The following PADI1 variants were observed in gnomAD, a reference collection of about 807,000 sequenced individuals.
PADI1 encodes peptidyl arginine deiminase 1, also known as protein-arginine deiminase type-1.
A neutral mutation model predicts 74.8 loss-of-function variants in PADI1; 65 were observed. That is an observed-to-expected ratio of 0.87 (90% CI 0.71 to 1.07). The LOEUF is 1.07. Ranked by LOEUF, PADI1 falls within the 50% of genes least tolerant of loss-of-function variation. The probability of loss-of-function intolerance (pLI) is 0.00; values close to 1 mark genes in which losing one functional copy is unlikely to be tolerated. For synonymous variants in PADI1, 371 were observed against 336.2 expected, an observed-to-expected ratio of 1.10 and a Z score of -1.13; for missense variants, 943 against 854.0, an observed-to-expected ratio of 1.10 and a Z score of -1.30.
chr1:17,211,219 T>TTTTTG (rs1460324469), intron 1 of PADI1, among the ~76,000 whole-genome samples: 1 of 145,782 alleles, frequency 6.9e-6, no homozygotes, highest in Non-Finnish European at 1.5e-5. Context: ...TTTGTTTTTG[T>TTTTTG]TTTTTTTTGA....
At chr1:17,214,108 G>A (rs752858141) in intron 1 of PADI1, among the ~76,000 whole-genome samples, 2 of 152,226 alleles carry the variant, frequency 1.3e-5, no homozygotes, top group Non-Finnish European at 2.9e-5. Flanking sequence ...ATTCTGAGAA[G>A]AGTAATTGTA....
At position 17,228,778 on chromosome 1, in the gene PADI1, T is replaced by C. The variant is rs940308142; in HGVS notation, c.806T>C (p.Val269Ala). ...TTCCTAGGGCTGGTTTCCCTCAGTG[T>C]CAGCCTGGTGGACCCGGGGGTGTGT... ...ADFLGLVSLS[V>A]SLVDPGTLPE... The change falls in exon 7 of 16, where the codon GTC becomes GCC. Residue 269 changes from valine (V) to alanine (A), a missense_variant. Transcript: ENST00000375471. 1.2e-6 allele frequency: 2 copies of C among 1,614,090 alleles called. No individual in the cohort carries two copies. The highest frequency in any genetic ancestry group is 1.3e-5 in the African/African-American group (1 of 75,028).
At chr1:17,208,416 G>T (rs1482361728) in intron 1 of PADI1, among the ~76,000 whole-genome samples, 1 of 140,684 alleles carries the variant, frequency 7.1e-6, no homozygotes, top group Non-Finnish European at 1.5e-5. Flanking sequence ...GTCCACCCCC[G>T]ACTCCAGTGG....
In PADI1 at chr1:17,239,712, C is replaced by T. The variant is rs756484185; in HGVS notation, c.1561C>T (p.His521Tyr). ...GEAAQFDGLKHQAKRSINEML... is the reference protein window; with the variant it reads ...GEAAQFDGLKYQAKRSINEML... ...TCTTTCTCTTCTTGCAGGGTTAAAA[C>T]ACCAGGCAAAAAGAAGCATTAATGA... is the stretch of plus-strand genomic sequence containing the variant. The change falls in exon 14 of 16, where the codon CAC becomes TAC. Residue 521 changes from histidine to tyrosine, a missense_variant. Transcript: ENST00000375471. 6.2e-7 allele frequency: 1 copy of T among 1,613,442 alleles called. No homozygotes were observed. The highest frequency in any genetic ancestry group is 1.1e-5 in the South Asian group (1 of 91,072).
In PADI1 at chr1:17,239,749, A is replaced by G. The variant is rs1424881386; in HGVS notation, c.1598A>G (p.Asp533Gly). The G allele has an allele frequency of 2.5e-6, 4 of 1,614,078 alleles. No homozygotes were observed. In the South Asian group the frequency reaches 4.4e-5, roughly 18 times the overall value. Residue 533 changes from aspartate to glycine, a missense_variant, in exon 14 of 16, where the codon GAC becomes GGC. Coordinates refer to ENST00000375471, the MANE Select transcript of PADI1 (RefSeq NM_013358.3). ...AGAAGCATTAATGAGATGCTGGCAG[A>G]CAGACACCTCCAGAGAGACAATCTT... is the stretch of plus-strand genomic sequence containing the variant. ...AKRSINEMLADRHLQRDNLHA... is the reference protein window; with the variant it reads ...AKRSINEMLAGRHLQRDNLHA...
At position 17,226,112 on chromosome 1, in the gene PADI1, CG is replaced by C; in HGVS notation, c.607del (p.Val203CysfsTer9). 2 of 1,614,218 alleles carry C rather than the reference CG, an allele frequency of 1.2e-6. No individual in the cohort carries two copies. The highest frequency in any genetic ancestry group is 3.3e-5 in the Admixed American group (2 of 60,022). On this transcript the variant is annotated frameshift_variant, in exon 6 of 16. Coordinates refer to ENST00000375471, the MANE Select transcript of PADI1 (RefSeq NM_013358.3). LOFTEE classifies it high-confidence loss of function. ...TCGACAGCCACAAGCTTGTCTTGAA[CG>C]TGCCCTTTTCTGATTCCAAAAGAGT... ...LFDSHKLVLN[V>X]PFSDSKRVRV...
intron 15 of PADI1, among the ~76,000 whole-genome samples, chr1:17,243,266 G>A (rs191066349): frequency 5.9e-5 from 9 of 152,326 alleles, no homozygotes; most frequent in Middle Eastern, 3.4e-3. Flanking sequence ...AGCCAGGTCC[G>A]CAACCAAGGG....
intron 1 of PADI1, among the ~76,000 whole-genome samples, chr1:17,210,040 G>A (rs1046249990): frequency 2.6e-5 from 4 of 151,978 alleles, no homozygotes; most frequent in East Asian, 1.9e-4. Flanking sequence ...AGGTTTTGCC[G>A]TGTTTTCCAG....
In PADI1 at chr1:17,224,421, G is replaced by C. The variant is rs759103166; in HGVS notation, c.401G>C (p.Gly134Ala). 2 of 1,613,510 alleles carry C rather than the reference G, an allele frequency of 1.2e-6. No homozygotes were observed. Among genetic ancestry groups the C allele is most frequent in the African/African-American group, 2.7e-5 (2 of 74,932 alleles). Residue 134 changes from glycine to alanine, a missense_variant, in exon 4 of 16, where the codon GGG becomes GCG. Transcript: ENST00000375471. Reference protein sequence around the residue: ...GRTGKVKRSQGDKKTWRWGPE... With the variant: ...GRTGKVKRSQADKKTWRWGPE... ...ACAGGCAAGGTGAAGAGGAGCCAAGGGGACAAGGTGAGACCCTTCCGGGCA... is the reference window on the plus strand; with the variant it reads ...ACAGGCAAGGTGAAGAGGAGCCAAGCGGACAAGGTGAGACCCTTCCGGGCA...
chr1:17,216,596 C>T (rs543775746), intron 1 of PADI1, among the ~76,000 whole-genome samples: 5 of 152,198 alleles, frequency 3.3e-5, no homozygotes, highest in South Asian at 4.2e-4. Flanking sequence ...TAGGGCTGGG[C>T]GCAGTGGCTC....
intron 10 of PADI1, among the ~76,000 whole-genome samples, chr1:17,231,915 T>C (rs2072499620): frequency 1.3e-5 from 2 of 149,802 alleles, no homozygotes; most frequent in African/African-American, 5.0e-5. Context: ...ACATCAGCCT[T>C]TTCTCTTCCT....
intron 13 of PADI1, among the ~76,000 whole-genome samples, chr1:17,239,164 G>C (rs944768924): frequency 1.1e-4 from 17 of 152,182 alleles, no homozygotes; most frequent in Admixed American, 2.0e-4. Flanking sequence ...GGGCTTGGTT[G>C]GCCCATCTCC....
chr1:17,229,061 C>T lies in PADI1; in HGVS notation c.929+10C>T, dbSNP rs1321942651. 1 of 1,519,060 alleles carries T rather than the reference C, an allele frequency of 6.6e-7. No individual in the cohort carries two copies. The highest frequency in any genetic ancestry group is 1.7e-4 in the Middle Eastern group (1 of 5,854). 94.1% of individuals were successfully genotyped at this position (1,519,060 alleles called of 1,614,324 possible). On this transcript the variant is annotated intron_variant, in intron 8 of 15. Transcript: ENST00000375471. Reference sequence around the variant, plus strand: ...AGCTGTATGTGTGCAGGTGAGGCTCCCTCCCTCCAGCCCTCCCCCAAGTCT... The same window carrying T: ...AGCTGTATGTGTGCAGGTGAGGCTCTCTCCCTCCAGCCCTCCCCCAAGTCT...
In PADI1 at chr1:17,240,689, A is replaced by G. The variant is rs1236129562; in HGVS notation, c.1687A>G (p.Ser563Gly). 1.9e-6 allele frequency: 3 copies of G among 1,614,088 alleles called. No individual in the cohort carries two copies. Among genetic ancestry groups the G allele is most frequent in the Admixed American group, 1.7e-5 (1 of 60,026 alleles). Residue 563 changes from serine to glycine, a missense_variant, in exon 15 of 16, where the codon AGT (serine) becomes GGT (glycine). Physicochemically the swap from Ser to Gly is moderately conservative, Grantham distance 56. Transcript: ENST00000375471. ...GAAGCGGGAGCTGGGCCTGGCAGAGAGTGACATCGTGGACATTCCCCAGCT... is the reference window on the plus strand; with the variant it reads ...GAAGCGGGAGCTGGGCCTGGCAGAGGGTGACATCGTGGACATTCCCCAGCT... ...VLKRELGLAESDIVDIPQLFF... is the reference protein window; with the variant it reads ...VLKRELGLAEGDIVDIPQLFF...
intron 11 of PADI1, among the ~76,000 whole-genome samples, chr1:17,235,293 G>GGAAGGAAGGAGGGAGGGAAGGAAGGAA (rs1557479110): frequency 3.5e-4 from 22 of 62,796 alleles, no homozygotes; most frequent in African/African-American, 1.0e-3. Context: ...GAAGGAAGGA[G>GGAAGGAAGGAGGGAGGGAAGGAAGGAA]GGAAGGAAGG....
At chr1:17,213,871 C>A (rs1329493400) in intron 1 of PADI1, among the ~76,000 whole-genome samples, 1 of 152,224 alleles carries the variant, frequency 6.6e-6, no homozygotes, top group African/African-American at 2.4e-5. Flanking sequence ...TTGTGAGATT[C>A]TCTAAGAATT....
chr1:17,223,375 C>T (rs565150959), intron 2 of PADI1: 2 of 517,234 alleles, frequency 3.9e-6, no homozygotes, highest in Non-Finnish European at 7.0e-6. Flanking sequence ...ATCCCTCCAC[C>T]TTTCCCCCAC....
In PADI1 at chr1:17,222,332, C is replaced by G; in HGVS notation, c.135C>G (p.Ser45Arg). ...KGANSFRVSG[S>R]SGVEVFMVYN... is the part of the protein sequence containing the mutation. ...CCAACAGCTTCAGGGTCTCTGGAAGCTCCGGGGTGGAGGTCTTCATGGTCT... is the reference window on the plus strand; with the variant it reads ...CCAACAGCTTCAGGGTCTCTGGAAGGTCCGGGGTGGAGGTCTTCATGGTCT... Residue 45 changes from serine (S) to arginine (R), a missense_variant, in exon 2 of 16, where the codon AGC (serine) becomes AGG (arginine). Ser to Arg is a moderately radical substitution (Grantham distance 110). Coordinates refer to ENST00000375471, the MANE Select transcript of PADI1 (RefSeq NM_013358.3). The G allele has an allele frequency of 6.2e-7, 1 of 1,614,090 alleles. No individual in the cohort carries two copies. Among genetic ancestry groups the G allele is most frequent in the South Asian group, 1.1e-5 (1 of 91,086 alleles).
rs894292543 is a variant in PADI1 at position 17,224,208 on chromosome 1, C to G, written c.347-159C>G. Among the ~76,000 whole-genome samples the G allele has an allele frequency of 2.6e-5, 4 of 152,348 alleles. No individual in the cohort carries two copies. The South Asian group carries it at 8.3e-4, about 32-fold the overall frequency. On this transcript the variant is annotated intron_variant, in intron 3 of 15. Transcript: ENST00000375471. Reference sequence around the variant, plus strand: ...CCCTCCAACTCCCAGAACCACAGGGCAAGCCACAGAGGTCTCCCAAGTGTG... The same window carrying G: ...CCCTCCAACTCCCAGAACCACAGGGGAAGCCACAGAGGTCTCCCAAGTGTG...
Sources: allele counts gnomAD v4.1 joint callset (sites outside exome capture counted in the v4.1 genomes callset), GRCh38; gene constraint gnomAD v4.1.1; transcripts MANE v1.5; gene names NCBI Gene and HGNC (gene_info 2026-07-23, HGNC 2026-07-21).